Variants in NAALADL2 observed in about 807,000 individuals in gnomAD.
The protein encoded by NAALADL2 is N-acetylated alpha-linked acidic dipeptidase like 2.
A neutral mutation model predicts 87.2 loss-of-function variants in NAALADL2; 76 were observed. The observed-to-expected ratio is 0.87, with a 90% CI of 0.72 to 1.05. The LOEUF is 1.05. Ranked by LOEUF, NAALADL2 falls within the 50% of genes least tolerant of loss-of-function variation. The probability of loss-of-function intolerance (pLI) is 0.00; values close to 1 mark genes in which losing one functional copy is unlikely to be tolerated. For synonymous variants in NAALADL2, 354 were observed against 331.0 expected, an observed-to-expected ratio of 1.07 and a Z score of -0.75; for missense variants, 1,089 against 945.8, an observed-to-expected ratio of 1.15 and a Z score of -1.99.
chr3:175,028,059 A>G (rs886693493), intron 1 of NAALADL2, among the ~76,000 whole-genome samples: 3 of 152,040 alleles, frequency 2.0e-5, no homozygotes, highest in Admixed American at 2.0e-4. Context: ...TCCAGATGTG[A>G]GCTGCTCCAC....
chr3:174,538,771 A>AT (rs1721953614), intron 1 of NAALADL2, among the ~76,000 whole-genome samples: 1 of 152,128 alleles, frequency 6.6e-6, no homozygotes, highest in Admixed American at 6.5e-5. Flanking sequence ...AGGTCTTTGG[A>AT]TAAACTCTTT....
At chr3:175,622,750 C>T (rs1438628482) in intron 10 of NAALADL2, among the ~76,000 whole-genome samples, 3 of 152,068 alleles carry the variant, frequency 2.0e-5, no homozygotes, top group Non-Finnish European at 4.4e-5. Context: ...AATATGGGCA[C>T]ATACTATATA....
At chr3:174,975,442 T>G (rs951583172) in intron 1 of NAALADL2, among the ~76,000 whole-genome samples, 1 of 152,186 alleles carries the variant, frequency 6.6e-6, no homozygotes, top group Non-Finnish European at 1.5e-5. Context: ...GATTTCCATC[T>G]CCTGGTGTGC....
chr3:174,546,375 G>T (rs1440868537), intron 1 of NAALADL2, among the ~76,000 whole-genome samples: 2 of 152,162 alleles, frequency 1.3e-5, no homozygotes, highest in Non-Finnish European at 2.9e-5. Context: ...TTTGGAGGAG[G>T]TGAGAAGAGG....
In NAALADL2 at chr3:174,990,119, C is replaced by T. The variant is rs556993667; in HGVS notation, c.44-106671C>T. 2.6e-5 allele frequency among the ~76,000 whole-genome samples: 4 copies of T among 152,200 alleles called. No homozygotes were observed. The East Asian group carries it at 5.8e-4, about 22-fold the overall frequency. ...ATCCATATGATGTATCTTGAAATAG[C>T]GTTAGAGAATTAAATTTCCGCAAAT... On this transcript the variant is annotated intron_variant, in intron 1 of 13. Transcript: ENST00000454872.
intron 2 of NAALADL2, chr3:175,112,657 A>T (rs1335683568): frequency 2.6e-5 from 4 of 151,684 alleles, no homozygotes; most frequent in African/African-American, 4.8e-5. Context: ...AGAATTATTA[A>T]TAATTTAGTT....
At chr3:174,611,903 T>A (rs1378760329) in intron 2 of NAALADL2, among the ~76,000 whole-genome samples, 1 of 152,006 alleles carries the variant, frequency 6.6e-6, no homozygotes, top group Non-Finnish European at 1.5e-5. Flanking sequence ...GCAGATGATT[T>A]CTTATTGCTG....
At position 175,467,088 on chromosome 3, in the gene NAALADL2, A is replaced by G. The variant is rs1473364242; in HGVS notation, c.1437A>G (p.Ser479=). 3 of 1,613,822 alleles carry G rather than the reference A, an allele frequency of 1.9e-6. No homozygotes were observed. The African/African-American group carries it at 4.0e-5, about 22-fold the overall frequency. The change falls in exon 8 of 14, where the codon TCA becomes TCG. Residue 479 remains serine (S), a synonymous_variant. Coordinates refer to ENST00000454872, the MANE Select transcript of NAALADL2 (RefSeq NM_207015.3). ...IITAFIRALM[S]KVKRGWRPDR... is the part of the protein sequence containing the mutation. ...CAGCGTTTATCCGTGCCTTGATGTC[A>G]AAAGTTAAGAGAGGGTGGAGACCAG...
intron 2 of NAALADL2, among the ~76,000 whole-genome samples, chr3:175,177,726 A>G (rs1407412602): frequency 3.3e-5 from 5 of 152,034 alleles, no homozygotes; most frequent in African/African-American, 1.2e-4. Flanking sequence ...TCCTCTAAAT[A>G]TTTTCATGTA....
At chr3:175,082,705 G>A (rs1462196349) in intron 1 of NAALADL2, among the ~76,000 whole-genome samples, 1 of 152,032 alleles carries the variant, frequency 6.6e-6, no homozygotes. Context: ...GGAACAATTT[G>A]TTCATGCTTT....
At chr3:175,635,240 A>G (rs1560889882) in intron 11 of NAALADL2, among the ~76,000 whole-genome samples, 1 of 151,918 alleles carries the variant, frequency 6.6e-6, no homozygotes, top group East Asian at 2.0e-4. Flanking sequence ...TTTTGTTTTT[A>G]TTACTCAAAA....
At chr3:174,710,602 G>A (rs1020901454) in intron 2 of NAALADL2, among the ~76,000 whole-genome samples, 1 of 152,102 alleles carries the variant, frequency 6.6e-6, no homozygotes, top group Admixed American at 6.5e-5. Flanking sequence ...TGCAGACGAG[G>A]AAGTTAGTGA....
chr3:174,447,671 C>T (rs151154658), intron 1 of NAALADL2, among the ~76,000 whole-genome samples: 3,896 of 151,736 alleles, frequency 0.026, 143 homozygotes, highest in African/African-American at 0.087. Flanking sequence ...CAAAAATAGC[C>T]GGGTGTGGTG....
At chr3:175,647,589 C>G (rs1471095609) in intron 11 of NAALADL2, among the ~76,000 whole-genome samples, 1 of 151,998 alleles carries the variant, frequency 6.6e-6, no homozygotes, top group Non-Finnish European at 1.5e-5. Context: ...AAACTACAAC[C>G]AAGAATCATT....
intron 2 of NAALADL2, among the ~76,000 whole-genome samples, chr3:175,210,213 A>G (rs1388001480): frequency 6.6e-6 from 1 of 151,822 alleles, no homozygotes; most frequent in African/African-American, 2.4e-5. Flanking sequence ...AAAAGAGACT[A>G]CTCAAACTAG....
At chr3:175,250,253 C>CTGTG (rs147841608) in intron 3 of NAALADL2, among the ~76,000 whole-genome samples, 3,989 of 146,146 alleles carry the variant, frequency 0.027, 67 homozygotes, top group African/African-American at 0.052. Context: ...CTCACTTTTT[C>CTGTG]TGTGTGTGTG....
intron 1 of NAALADL2, among the ~76,000 whole-genome samples, chr3:174,991,232 T>C (rs999521483): frequency 6.6e-6 from 1 of 152,158 alleles, no homozygotes; most frequent in African/African-American, 2.4e-5. Context: ...CTAGTGTTAT[T>C]GCTGTTGTAG....
chr3:175,025,999 C>T (rs1369080488), intron 1 of NAALADL2, among the ~76,000 whole-genome samples: 2 of 151,934 alleles, frequency 1.3e-5, no homozygotes, highest in African/African-American at 2.4e-5. Flanking sequence ...TTTGTAAAGA[C>T]GGGGTCTCCC....
intron 9 of NAALADL2, among the ~76,000 whole-genome samples, chr3:175,546,210 AC>A (rs1193421796): frequency 1.3e-5 from 2 of 151,368 alleles, no homozygotes; most frequent in Non-Finnish European, 3.0e-5. Flanking sequence ...TAGGATTTTA[AC>A]CCCTGCTTTT....
Sources: allele counts gnomAD v4.1 joint callset (sites outside exome capture counted in the v4.1 genomes callset), GRCh38; gene constraint gnomAD v4.1.1; transcripts MANE v1.5; gene names NCBI Gene and HGNC (gene_info 2026-07-23, HGNC 2026-07-21).